The following SEPHS1 variants were observed in gnomAD, a reference collection of about 807,000 sequenced individuals.
The protein encoded by SEPHS1 is selenophosphate synthetase 1.
Under a neutral mutation model 39.2 loss-of-function variants are expected in SEPHS1, and 7 were observed. That is an observed-to-expected ratio of 0.18 (90% CI 0.10 to 0.34). The LOEUF is 0.34. Ranked by LOEUF, SEPHS1 falls within the 10% of genes least tolerant of loss-of-function variation. The pLI, the probability that SEPHS1 is intolerant of heterozygous loss-of-function variation, is 1.00. For synonymous variants in SEPHS1, 190 were observed against 195.5 expected, an observed-to-expected ratio of 0.97 and a Z score of 0.23; for missense variants, 253 against 514.5, an observed-to-expected ratio of 0.49 and a Z score of 4.92.
chr10:13,347,664 G>GGCC lies in SEPHS1; in HGVS notation c.-79+333_-79+335dup, dbSNP rs767115383. ...GCCGGCCGCTCCCGCCGCGCGCACG[G>GGCC]GCCGCCGCCGCCGCCGCGCAAAAAT... is the stretch of plus-strand genomic sequence containing the variant. On this transcript the variant is annotated intron_variant, in intron 1 of 8. Coordinates refer to ENST00000327347, the MANE Select transcript of SEPHS1 (RefSeq NM_012247.5). Among the ~76,000 whole-genome samples the GGCC allele has an allele frequency of 3.6e-4, 52 of 146,118 alleles. 1 individual carries two copies. The highest frequency in any genetic ancestry group is 6.1e-4 in the East Asian group (3 of 4,948).
chr10:13,344,415 C>G (rs1564454690), intron 2 of SEPHS1, among the ~76,000 whole-genome samples: 1 of 152,068 alleles, frequency 6.6e-6, no homozygotes, highest in East Asian at 1.9e-4. Flanking sequence ...TAAAAACTGT[C>G]AAGAGTACCC....
chr10:13,340,616 GAGA>G (rs1379350909), intron 2 of SEPHS1: 1 of 152,232 alleles, frequency 6.6e-6, no homozygotes, highest in East Asian at 1.9e-4. Flanking sequence ...ACTACTGAAA[GAGA>G]AACTAAAATT....
intron 8 of SEPHS1, chr10:13,321,926 T>C: frequency 3.0e-6 from 1 of 336,800 alleles, no homozygotes; most frequent in Non-Finnish European, 5.7e-6. Context: ...TGATAAGGGA[T>C]ATAAAAGCTC....
At chr10:13,321,153 A>C (rs576701325) in intron 8 of SEPHS1, among the ~76,000 whole-genome samples, 1 of 152,102 alleles carries the variant, frequency 6.6e-6, no homozygotes, top group South Asian at 2.1e-4. Context: ...CCGGCCTACT[A>C]CGGAATCTCC....
chr10:13,341,204 G>A (rs999501779), intron 2 of SEPHS1, among the ~76,000 whole-genome samples: 1 of 152,148 alleles, frequency 6.6e-6, no homozygotes, highest in African/African-American at 2.4e-5. Context: ...GTGAGCCTGA[G>A]ATGCCCACAG....
At chr10:13,322,060 G>A (rs1564441864) in intron 8 of SEPHS1, 1 of 454,806 alleles carries the variant, frequency 2.2e-6, no homozygotes, top group African/African-American at 2.0e-5. Context: ...ATAAATTACT[G>A]CACATCTAAG....
At chr10:13,321,959 C>T (rs934995690) in intron 8 of SEPHS1, 8 of 417,234 alleles carry the variant, frequency 1.9e-5, no homozygotes, top group South Asian at 5.2e-5. Context: ...ACTACTGGGG[C>T]GTATGGTGTC....
chr10:13,326,550 C>CTT (rs78465889), intron 7 of SEPHS1, among the ~76,000 whole-genome samples: 2 of 142,290 alleles, frequency 1.4e-5, no homozygotes, highest in African/African-American at 2.6e-5. Context: ...TGATCTATAA[C>CTT]TTTTTTTTTT....
chr10:13,330,599 C>T lies in SEPHS1; in HGVS notation c.561-811G>A, dbSNP rs529025992. Among the ~76,000 whole-genome samples the T allele has an allele frequency of 5.3e-5, 8 of 152,256 alleles. No individual in the cohort carries two copies. The East Asian group carries it at 1.5e-3, about 29-fold the overall frequency. On this transcript the variant is annotated intron_variant, in intron 5 of 8. Coordinates refer to ENST00000327347, the MANE Select transcript of SEPHS1 (RefSeq NM_012247.5). Reference sequence around the variant, plus strand: ...TGAGCTCCTGAATCGTTCCATTCCCCGATGCTGGCCTCCTCAGGTACTCAC... The same window carrying T: ...TGAGCTCCTGAATCGTTCCATTCCCTGATGCTGGCCTCCTCAGGTACTCAC...
At chr10:13,327,186 A>G (rs1246648790) in intron 7 of SEPHS1, among the ~76,000 whole-genome samples, 2 of 139,544 alleles carry the variant, frequency 1.4e-5, no homozygotes, top group Non-Finnish European at 3.1e-5. Flanking sequence ...GGTTGCAGTG[A>G]GCCGAGATCA....
At chr10:13,343,123 GTAAC>G (rs1219048832) in intron 2 of SEPHS1, among the ~76,000 whole-genome samples, 1 of 152,188 alleles carries the variant, frequency 6.6e-6, no homozygotes. Context: ...TGACTAGTAA[GTAAC>G]TGTGCCAGAG....
At position 13,319,322 on chromosome 10, in the gene SEPHS1, T is replaced by A; in HGVS notation, c.999A>T (p.Ala333=). The part of the protein sequence containing the change: ...GLLICLPREQ[A]ARFCAEIKSP... Reference sequence around the variant, plus strand: ...ACTTTATCTCTGCACAGAACCGAGCTGCTTGCTCACGTGGTAAACAGATCA... The same window carrying A: ...ACTTTATCTCTGCACAGAACCGAGCAGCTTGCTCACGTGGTAAACAGATCA... The change falls in exon 9 of 9, where the codon GCA becomes GCT. Residue 333 remains alanine, a synonymous_variant. Transcript: ENST00000327347. 6.2e-7 allele frequency: 1 copy of A among 1,613,112 alleles called. No homozygotes were observed. The highest frequency in any genetic ancestry group is 1.1e-5 in the South Asian group (1 of 90,808).
intron 2 of SEPHS1, among the ~76,000 whole-genome samples, chr10:13,341,233 T>C (rs1181361244): frequency 1.3e-5 from 2 of 152,034 alleles, no homozygotes; most frequent in Non-Finnish European, 2.9e-5. Context: ...AAACTAGCGT[T>C]TGAAATGGAA....
intron 5 of SEPHS1, among the ~76,000 whole-genome samples, chr10:13,332,166 T>C (rs1588540211): frequency 6.6e-6 from 1 of 152,218 alleles, no homozygotes; most frequent in African/African-American, 2.4e-5. Flanking sequence ...GCAGGGTCCA[T>C]CCATGCAATG....
At chr10:13,331,613 C>T (rs1833473286) in intron 5 of SEPHS1, among the ~76,000 whole-genome samples, 1 of 152,182 alleles carries the variant, frequency 6.6e-6, no homozygotes, top group Non-Finnish European at 1.5e-5. Context: ...GAACTCCTGA[C>T]CTCAGATGAT....
chr10:13,329,947 A>G (rs1833417162), intron 5 of SEPHS1, among the ~76,000 whole-genome samples, 159 bp from the exon 6 acceptor site: 1 of 152,220 alleles, frequency 6.6e-6, no homozygotes, highest in African/African-American at 2.4e-5. Context: ...GAGCCTTGCA[A>G]CCTGCTACTG....
At chr10:13,338,870 C>T (rs963853482) in intron 2 of SEPHS1, 62 bp from the exon 3 acceptor site, 1 of 1,181,074 alleles carries the variant, frequency 8.5e-7, no homozygotes, top group African/African-American at 1.5e-5. Context: ...CATTTTATAT[C>T]ACCAGTGCTC....
intron 1 of SEPHS1, 114 bp downstream of exon 1, chr10:13,347,886 T>G (rs1402974324): frequency 4.6e-4 from 65 of 141,398 alleles, no homozygotes; most frequent in African/African-American, 1.6e-3. Flanking sequence ...GGCGCGCGGC[T>G]CCCCGGCGGT....
intron 6 of SEPHS1, among the ~76,000 whole-genome samples, chr10:13,329,388 A>T (rs1833402000): frequency 6.6e-6 from 1 of 152,198 alleles, no homozygotes; most frequent in Non-Finnish European, 1.5e-5. Context: ...ATTATTTCTT[A>T]GTGATGTTTA....
Sources: allele counts gnomAD v4.1 joint callset (sites outside exome capture counted in the v4.1 genomes callset), GRCh38; gene constraint gnomAD v4.1.1; transcripts MANE v1.5; gene names NCBI Gene and HGNC (gene_info 2026-07-23, HGNC 2026-07-21).